Variants in TRIM4 observed in about 807,000 individuals in gnomAD.
TRIM4 encodes tripartite motif containing 4, also known as E3 ubiquitin-protein ligase TRIM4.
TRIM4 carries 29 observed loss-of-function variants against 33.7 expected under a neutral mutation model. The ratio of observed to expected loss-of-function variants is 0.86; its 90% CI spans 0.64 to 1.17. The LOEUF is 1.17. TRIM4 is among the 50% of genes most tolerant of loss of function. TRIM4 has a pLI of 0.00. For synonymous variants in TRIM4, 224 were observed against 233.0 expected (o/e 0.96, Z 0.35); for missense variants, 554 against 593.7 (o/e 0.93, Z 0.69).
intron 1 of TRIM4, 143 bp downstream of exon 1, chr7:99,918,866 T>C: frequency 9.0e-7 from 1 of 1,117,078 alleles, no homozygotes; most frequent in Non-Finnish European, 1.2e-6. Context: ...AATTCGTGTT[T>C]TGCTTAACTT....
chr7:99,906,945 G>A (rs1004204609), intron 3 of TRIM4, among the ~76,000 whole-genome samples: 2 of 152,158 alleles, frequency 1.3e-5, no homozygotes, highest in Non-Finnish European at 2.9e-5. Context: ...TGGAGGCAAC[G>A]CAGGTAGCCA....
chr7:99,903,584 C>T lies in TRIM4; in HGVS notation c.735G>A (p.Val245=), dbSNP rs1034062843. ...TLELLQNPKE[V]LTRSEIQDVN... is the part of the protein sequence containing the mutation. ...AGAACAGGAGTGCATACCTGGTCAA[C>T]ACTTCTTTTGGATTCTGTGAAAAGA... The change falls in exon 4 of 6, where the codon GTG becomes GTA. Residue 245 remains valine (V), a synonymous_variant. Transcript: ENST00000349062. The T allele has an allele frequency of 6.2e-7, 1 of 1,614,106 alleles. No homozygotes were observed. The highest frequency in any genetic ancestry group is 1.1e-5 in the South Asian group (1 of 91,088).
intron 1 of TRIM4, 75 bp from the exon 2 acceptor site, chr7:99,909,735 T>TG: frequency 8.7e-5 from 102 of 1,179,090 alleles, no homozygotes; most frequent in South Asian, 3.7e-4. Context: ...TTTTGTTTTT[T>TG]TTTTTTTTTT....
At chr7:99,916,637 C>G in intron 1 of TRIM4, 1 of 758,452 alleles carries the variant, frequency 1.3e-6, no homozygotes, top group Admixed American at 1.8e-5. Context: ...TCAACTCCAG[C>G]TCATTATCAC....
rs1453051463 is a variant in TRIM4, at chr7:99,891,473, G to A, written c.*690C>T. On this transcript the variant is annotated 3_prime_UTR_variant, in exon 6 of 6. Transcript: ENST00000349062. Reference sequence around the variant, plus strand: ...TGATAAATACACAGCACAGTTAATAGCTGAGGGCAGAGTTATGGTTGGGAA... The same window carrying A: ...TGATAAATACACAGCACAGTTAATAACTGAGGGCAGAGTTATGGTTGGGAA... The A allele has an allele frequency of 6.6e-6, 1 of 152,328 alleles. No individual in the cohort carries two copies. The highest frequency in any genetic ancestry group is 1.5e-5 in the Non-Finnish European group (1 of 68,116). The allele number at this position is 152,328 out of a possible 1,614,324, so 9.4% of individuals were successfully genotyped here.
chr7:99,908,561 C>T (rs770492472), intron 3 of TRIM4, 21 bp downstream of exon 3: 2 of 1,577,274 alleles, frequency 1.3e-6, no homozygotes, highest in Non-Finnish European at 8.7e-7. Context: ...ATGAGATCAC[C>T]CCCACTCGTA....
intron 5 of TRIM4, among the ~76,000 whole-genome samples, chr7:99,900,840 T>C (rs947951941): frequency 1.3e-5 from 2 of 152,328 alleles, no homozygotes; most frequent in African/African-American, 4.8e-5. Flanking sequence ...CAAGTAACTA[T>C]CCTCTCCCCT....
chr7:99,908,853 AC>A (rs1819370743), intron 2 of TRIM4, 41 bp from the exon 3 acceptor site: 2 of 1,560,934 alleles, frequency 1.3e-6, no homozygotes, highest in Admixed American at 1.8e-5. Flanking sequence ...TTTCTGCCTG[AC>A]CCCAGCTACT....
In TRIM4 at chr7:99,892,215, C is replaced by CA. The variant is rs1254691563; in HGVS notation, c.1372dup (p.Trp458LeufsTer15). 7 of 1,613,642 alleles carry CA rather than the reference C, an allele frequency of 4.3e-6. No individual in the cohort carries two copies. Among genetic ancestry groups the CA allele is most frequent in the Non-Finnish European group, 5.9e-6 (7 of 1,179,868 alleles). On this transcript the variant is annotated frameshift_variant, in exon 6 of 6. Transcript: ENST00000349062. LOFTEE classifies it high-confidence loss of function. ...GACTAAAGATGCTAATGGACTCAACCAAAAAAATGGCCGGAGGCGTGAGAC... is the reference window on the plus strand; with the variant it reads ...GACTAAAGATGCTAATGGACTCAACCAAAAAAAATGGCCGGAGGCGTGAGAC...
chr7:99,910,253 TA>T (rs1819409909), intron 1 of TRIM4, among the ~76,000 whole-genome samples: 1 of 152,182 alleles, frequency 6.6e-6, no homozygotes. Context: ...CACAGGAGAT[TA>T]AAAACGTGCC....
At chr7:99,897,051 G>T (rs1041313675) in intron 5 of TRIM4, among the ~76,000 whole-genome samples, 7 of 152,238 alleles carry the variant, frequency 4.6e-5, no homozygotes, top group African/African-American at 1.7e-4. Context: ...ACACTGGTTT[G>T]TTGCATAGCC....
chr7:99,908,146 G>T (rs1450932347), intron 3 of TRIM4: 5 of 153,308 alleles, frequency 3.3e-5, no homozygotes, highest in Non-Finnish European at 7.3e-5. Flanking sequence ...CAAAATATGG[G>T]GATAAGAACA....
Position 99,903,586 on chromosome 7 carries a change from C to T in TRIM4, c.733G>A (p.Val245Met), listed in dbSNP as rs1422340217. The part of the protein sequence containing the change: ...TLELLQNPKE[V>M]LTRSEIQDVN... The stretch of plus-strand genomic sequence containing the variant: ...AACAGGAGTGCATACCTGGTCAACA[C>T]TTCTTTTGGATTCTGTGAAAAGAAG... The change falls in exon 4 of 6, where the codon GTG becomes ATG. Residue 245 changes from valine (V) to methionine (M), a missense_variant. Coordinates refer to ENST00000349062, the MANE Select transcript of TRIM4 (RefSeq NM_033091.3). The T allele has an allele frequency of 1.2e-6, 2 of 1,614,222 alleles. No homozygotes were observed. The highest frequency in any genetic ancestry group is 1.7e-5 in the Admixed American group (1 of 60,016).
At chr7:99,898,008 T>C (rs1185670287) in intron 5 of TRIM4, among the ~76,000 whole-genome samples, 1 of 152,208 alleles carries the variant, frequency 6.6e-6, no homozygotes, top group Admixed American at 6.5e-5. Flanking sequence ...CAACAGACTA[T>C]TGGGTCTGCA....
At chr7:99,899,233 G>T (rs1177003398) in intron 5 of TRIM4, among the ~76,000 whole-genome samples, 1 of 152,166 alleles carries the variant, frequency 6.6e-6, no homozygotes, top group Non-Finnish European at 1.5e-5. Flanking sequence ...GTGAACTCCT[G>T]GTCCATTCCT....
intron 1 of TRIM4, among the ~76,000 whole-genome samples, chr7:99,918,140 T>A (rs1260542181): frequency 2.0e-5 from 3 of 152,198 alleles, no homozygotes; most frequent in African/African-American, 7.2e-5. Context: ...CATTTACAGA[T>A]ACAGACAGGC....
intron 3 of TRIM4, among the ~76,000 whole-genome samples, chr7:99,905,517 C>A (rs117490236): frequency 3.9e-5 from 6 of 152,000 alleles, no homozygotes; most frequent in Non-Finnish European, 8.8e-5. Flanking sequence ...TAATGGAATA[C>A]GACAGTACTA....
chr7:99,919,080 C>A lies in TRIM4; in HGVS notation c.322G>T (p.Val108Leu). The A allele has an allele frequency of 6.4e-7, 1 of 1,556,154 alleles. No homozygotes were observed. The highest frequency in any genetic ancestry group is 1.2e-5 in the South Asian group (1 of 84,938). ...TGGTGCTCCTGGGACTCCCTGCACA[C>A]CAGGCACACTGGCCGCTGGTCGTCC... is the stretch of plus-strand genomic sequence containing the variant. ...CEDDQRPVCL[V>L]CRESQEHQTH... Residue 108 changes from valine to leucine, a missense_variant, in exon 1 of 6, where the codon GTG (valine) becomes TTG (leucine). Physicochemically the swap from Val to Leu is conservative, Grantham distance 32. This residue lies in a region of TRIM4 where 233 missense variants were observed against 203.1 expected (regional missense o/e 1.15). Coordinates refer to ENST00000349062, the MANE Select transcript of TRIM4 (RefSeq NM_033091.3).
Position 99,908,847 on chromosome 7 carries a change from T to C in TRIM4, c.490-35A>G, listed in dbSNP as rs752417758. ...CATGAGATTTGCTCACTCCTTTTTC[T>C]GCCTGACCCCAGCTACTAAATTCCT... is the stretch of plus-strand genomic sequence containing the variant. On this transcript the variant is annotated intron_variant, in intron 2 of 5. Transcript: ENST00000349062. 1.9e-6 allele frequency: 3 copies of C among 1,580,066 alleles called. No homozygotes were observed. The South Asian group carries it at 3.4e-5, about 18-fold the overall frequency.
Sources: allele counts gnomAD v4.1 joint callset (sites outside exome capture counted in the v4.1 genomes callset), GRCh38; gene constraint gnomAD v4.1.1; regional missense constraint gnomAD v4.1.1; transcripts MANE v1.5; gene names NCBI Gene and HGNC (gene_info 2026-07-23, HGNC 2026-07-21).